The following CACNA1C variants were observed in gnomAD, a reference collection of about 807,000 sequenced individuals.
CACNA1C encodes calcium voltage-gated channel subunit alpha1 C.
CACNA1C carries 30 observed loss-of-function variants against 229.0 expected under a neutral mutation model. That is an observed-to-expected ratio of 0.13 (90% CI 0.10 to 0.18). The LOEUF (loss-of-function observed/expected upper bound fraction) is 0.18. CACNA1C is among the 10% of genes least tolerant of loss of function. The pLI is 1.00. For missense variants in CACNA1C, 1,658 were observed against 2,845.0 expected (o/e 0.58, Z 9.49); for synonymous variants, 1,114 against 1,132.5 (o/e 0.98, Z 0.33).
chr12:2,519,206 T>C (rs1362948623), intron 9 of CACNA1C, among the ~76,000 whole-genome samples: 1 of 152,252 alleles, frequency 6.6e-6, no homozygotes, highest in Non-Finnish European at 1.5e-5. Context: ...GAGGTCCTTC[T>C]TGGGGCTGCC....
chr12:2,397,156 G>T (rs962047305), intron 3 of CACNA1C, among the ~76,000 whole-genome samples: 2 of 152,230 alleles, frequency 1.3e-5, no homozygotes, highest in Non-Finnish European at 2.9e-5. Flanking sequence ...ATCATCAGTG[G>T]ATCCAAGTGG....
chr12:2,566,341 G>T lies in CACNA1C; in HGVS notation c.1509-81G>T, dbSNP rs973044275. Reference sequence around the variant, plus strand: ...AGGCCAGATCAGTGAGGGGCGAGAAGAGCCATGGTGCTGCATCTTGGGTTG... The same window carrying T: ...AGGCCAGATCAGTGAGGGGCGAGAATAGCCATGGTGCTGCATCTTGGGTTG... On this transcript the variant is annotated intron_variant, in intron 11 of 46. Coordinates refer to ENST00000399655, the MANE Select transcript of CACNA1C (RefSeq NM_000719.7). This position sits in a 1 kb window ranked among gnomAD's most constrained non-coding sequence, Gnocchi z 4.0. The T allele has an allele frequency of 3.1e-6, 4 of 1,292,218 alleles. No homozygotes were observed. The highest frequency in any genetic ancestry group is 4.3e-6 in the Non-Finnish European group (4 of 937,204). 80.0% of individuals were successfully genotyped at this position (1,292,218 alleles called of 1,614,324 possible). A position where few individuals can be genotyped will look rare whatever the true frequency, so the allele number is the denominator to read the frequency against.
intron 10 of CACNA1C, 142 bp downstream of exon 10, chr12:2,550,175 G>A: frequency 1.4e-6 from 1 of 700,596 alleles, no homozygotes; most frequent in South Asian, 1.7e-5. Flanking sequence ...ACCTCAGGTG[G>A]GAACCAAGAT....
intron 4 of CACNA1C, among the ~76,000 whole-genome samples, chr12:2,455,631 T>C (rs2099412921): frequency 6.6e-6 from 1 of 152,094 alleles, no homozygotes; most frequent in Non-Finnish European, 1.5e-5. Context: ...CCTCCCATGC[T>C]CTCTTGAACC....
At chr12:1,987,528 T>C (rs939533479) in intron 1 of CACNA1C, among the ~76,000 whole-genome samples, 3 of 152,336 alleles carry the variant, frequency 2.0e-5, no homozygotes, top group Admixed American at 6.5e-5. Context: ...CCATTCTTGA[T>C]TACTGCTCCC....
intron 3 of CACNA1C, among the ~76,000 whole-genome samples, chr12:2,188,923 T>A (rs1362212884): frequency 2.6e-5 from 4 of 151,748 alleles, no homozygotes; most frequent in African/African-American, 9.7e-5. Flanking sequence ...AAACCCCGTC[T>A]CTACTAAAAA....
chr12:2,375,706 C>T (rs2098034449), intron 3 of CACNA1C, among the ~76,000 whole-genome samples: 1 of 152,156 alleles, frequency 6.6e-6, no homozygotes, highest in African/African-American at 2.4e-5. Context: ...AAATCAAGTC[C>T]TTGTCTTAGT....
intron 13 of CACNA1C, among the ~76,000 whole-genome samples, chr12:2,578,243 G>A (rs1372168533): frequency 6.6e-6 from 1 of 152,222 alleles, no homozygotes; most frequent in African/African-American, 2.4e-5. Flanking sequence ...AGGAGCTGAA[G>A]GGGTGAGCTC....
chr12:2,332,876 T>A (rs2096588305), intron 3 of CACNA1C, among the ~76,000 whole-genome samples: 1 of 152,226 alleles, frequency 6.6e-6, no homozygotes, highest in South Asian at 2.1e-4. Context: ...GTAGCATTTC[T>A]CCCTACTTTT....
intron 5 of CACNA1C, among the ~76,000 whole-genome samples, chr12:2,473,180 A>T (rs1597382696): frequency 1.3e-5 from 2 of 152,164 alleles, no homozygotes; most frequent in East Asian, 3.9e-4. Context: ...TCTGCTGTCA[A>T]CCCTAAACCA....
At chr12:2,162,375 G>C (rs529027019) in intron 3 of CACNA1C, among the ~76,000 whole-genome samples, 1 of 152,052 alleles carries the variant, frequency 6.6e-6, no homozygotes, top group East Asian at 1.9e-4. Context: ...AGGGAAACAA[G>C]TCTGCCCCGT....
At chr12:2,431,062 T>C (rs1394491573) in intron 3 of CACNA1C, among the ~76,000 whole-genome samples, 1 of 152,140 alleles carries the variant, frequency 6.6e-6, no homozygotes, top group South Asian at 2.1e-4. Flanking sequence ...CAGGGTGATA[T>C]GTTTGAGAAG....
chr12:2,471,333 T>C (rs960733459), intron 5 of CACNA1C, among the ~76,000 whole-genome samples: 1 of 152,230 alleles, frequency 6.6e-6, no homozygotes. Flanking sequence ...ATTTTTACTT[T>C]AGTCAATTGT....
chr12:2,367,038 G>A (rs2097740705), intron 3 of CACNA1C, among the ~76,000 whole-genome samples: 1 of 152,142 alleles, frequency 6.6e-6, no homozygotes, highest in South Asian at 2.1e-4. Context: ...GACATGTGGG[G>A]ATTCCAATTT....
At chr12:2,538,994 G>C (rs4765693) in intron 9 of CACNA1C, among the ~76,000 whole-genome samples, 1 of 151,976 alleles carries the variant, frequency 6.6e-6, no homozygotes, top group African/African-American at 2.4e-5. Context: ...GCATTTCAGC[G>C]ACGTCGCCTG....
intron 3 of CACNA1C, among the ~76,000 whole-genome samples, chr12:2,154,009 T>C (rs1046607151): frequency 2.0e-5 from 3 of 151,754 alleles, no homozygotes; most frequent in African/African-American, 7.2e-5. Flanking sequence ...TAGAGGTTCT[T>C]TAAAATTCAA....
chr12:2,088,076 C>G (rs138025933), intron 1 of CACNA1C, among the ~76,000 whole-genome samples: 4,470 of 152,306 alleles, frequency 0.029, 85 homozygotes, highest in Middle Eastern at 0.068. Flanking sequence ...GATGAATTTT[C>G]AGGAGGTTTG....
chr12:2,182,656 C>A (rs1006604946), intron 3 of CACNA1C, among the ~76,000 whole-genome samples: 4 of 152,118 alleles, frequency 2.6e-5, no homozygotes, highest in Admixed American at 2.6e-4. Context: ...AACATTTGTC[C>A]GGTGCTCACT....
At chr12:2,320,240 C>T (rs2095908123) in intron 3 of CACNA1C, among the ~76,000 whole-genome samples, 1 of 152,226 alleles carries the variant, frequency 6.6e-6, no homozygotes, top group Non-Finnish European at 1.5e-5. Flanking sequence ...CAGCTACCCT[C>T]ATCCTAACTC....
Sources: allele counts gnomAD v4.1 joint callset (sites outside exome capture counted in the v4.1 genomes callset), GRCh38; gene constraint gnomAD v4.1.1; non-coding constraint Gnocchi (gnomAD v3.1); transcripts MANE v1.5; gene names NCBI Gene and HGNC (gene_info 2026-07-23, HGNC 2026-07-21).